THADA: variants seen among roughly 807,000 people sequenced by gnomAD.
THADA encodes the protein THADA armadillo repeat containing.
A neutral mutation model predicts 219.8 loss-of-function variants in THADA; 213 were observed. The observed-to-expected ratio is 0.97, with a 90% CI of 0.87 to 1.09. The LOEUF (loss-of-function observed/expected upper bound fraction) is 1.09, where lower values mean the gene tolerates loss of function less well. Among genes scored for constraint, THADA ranks in the 50% least tolerant of loss-of-function variants. The pLI is 0.00. For synonymous variants in THADA, 1,018 were observed against 828.9 expected (o/e 1.23, Z -3.92); for missense variants, 2,956 against 2,311.3 (o/e 1.28, Z -5.72).
chr2:43,320,023 G>T (rs1356779148), intron 31 of THADA, among the ~76,000 whole-genome samples: 1 of 152,176 alleles, frequency 6.6e-6, no homozygotes, highest in East Asian at 1.9e-4. Context: ...ACTCATAAGT[G>T]CATTGGTGTA....
intron 21 of THADA, among the ~76,000 whole-genome samples, chr2:43,533,729 A>G (rs28433468): frequency 0.12 from 18,849 of 152,128 alleles, 1,419 homozygotes; most frequent in African/African-American, 0.21. Context: ...ATCACACATC[A>G]GGGCCTGTCG....
intron 22 of THADA, among the ~76,000 whole-genome samples, chr2:43,519,482 A>G (rs1487126285): frequency 6.6e-6 from 1 of 152,332 alleles, no homozygotes; most frequent in African/African-American, 2.4e-5. Flanking sequence ...TCTAAAATAC[A>G]TAAGTAGTTC....
At chr2:43,297,510 C>A (rs1446923806) in intron 31 of THADA, among the ~76,000 whole-genome samples, 10 of 104,462 alleles carry the variant, frequency 9.6e-5, no homozygotes, top group African/African-American at 2.4e-4. Flanking sequence ...GGCGGTCAGC[C>A]CCCCCGCCCG....
At chr2:43,231,973 T>C (rs1295562724) in intron 37 of THADA, among the ~76,000 whole-genome samples, 1 of 152,088 alleles carries the variant, frequency 6.6e-6, no homozygotes, top group Non-Finnish European at 1.5e-5. Context: ...GTCCTCAGTT[T>C]CCCTATCTGT....
chr2:43,372,996 T>C (rs755767499), intron 29 of THADA, among the ~76,000 whole-genome samples: 2 of 152,122 alleles, frequency 1.3e-5, no homozygotes, highest in Non-Finnish European at 1.5e-5. Flanking sequence ...CAGCCAAGTC[T>C]AGTAAGTATT....
intron 34 of THADA, among the ~76,000 whole-genome samples, chr2:43,290,243 A>G (rs1411587337): frequency 6.6e-6 from 1 of 150,940 alleles, no homozygotes; most frequent in East Asian, 1.9e-4. Flanking sequence ...AAGTGCTGGG[A>G]TTACAGGTGT....
At chr2:43,277,226 C>G (rs1171159700) in intron 36 of THADA, 1 of 152,486 alleles carries the variant, frequency 6.6e-6, no homozygotes, top group Non-Finnish European at 1.5e-5. Context: ...CTTCCCATTA[C>G]CTGCAGAAGG....
chr2:43,357,961 T>C (rs1184045727), intron 29 of THADA, among the ~76,000 whole-genome samples: 1 of 152,122 alleles, frequency 6.6e-6, no homozygotes, highest in Non-Finnish European at 1.5e-5. Flanking sequence ...GCATAGTCAG[T>C]GTACCTTTCA....
chr2:43,384,300 G>A (rs1422232805), intron 29 of THADA, among the ~76,000 whole-genome samples: 1 of 152,188 alleles, frequency 6.6e-6, no homozygotes, highest in Non-Finnish European at 1.5e-5. Context: ...TAATGAGGCT[G>A]TTGAGCTCTT....
Position 43,505,654 on chromosome 2 carries a change from G to A in THADA, c.3589C>T (p.Pro1197Ser). The A allele has an allele frequency of 1.3e-6, 2 of 1,597,020 alleles. No individual in the cohort carries two copies. The highest frequency in any genetic ancestry group is 1.1e-5 in the South Asian group (1 of 88,038). The change falls in exon 24 of 38, where the codon CCT (proline) becomes TCT (serine). Residue 1197 changes from proline (P) to serine (S), a missense_variant. Coordinates refer to ENST00000405975, the MANE Select transcript of THADA (RefSeq NM_022065.5). ...TMKELISLAG[P>S]TDDIQSTVPQ... ...ACTGTACTCTGTATGTCATCTGTAG[G>A]CCCAGCCAAAGAGATTAACTCTTTC...
intron 19 of THADA, 63 bp downstream of exon 19, chr2:43,551,726 A>T: frequency 2.1e-6 from 3 of 1,439,326 alleles, no homozygotes; most frequent in Non-Finnish European, 2.8e-6. Flanking sequence ...GGGAAAAAAA[A>T]AAAGAGGTAA....
rs563970271 is a variant in THADA at position 43,578,535 on chromosome 2, G to A, written c.794C>T (p.Pro265Leu). Residue 265 changes from proline (P) to leucine (L), a missense_variant, in exon 9 of 38, where the codon CCG becomes CTG. Physicochemically the swap from Pro to Leu is moderately conservative, Grantham distance 98. Transcript: ENST00000405975. ...IILFIKTMFHPSEKIPHLISS... is the reference protein window; with the variant it reads ...IILFIKTMFHLSEKIPHLISS... ...TACCAAATGAGGAATCTTTTCAGAC[G>A]GGTGAAACATAGTCTTAATAAAAAG... 1.7e-5 allele frequency: 28 copies of A among 1,611,296 alleles called. No individual in the cohort carries two copies. The highest frequency in any genetic ancestry group is 1.7e-4 in the Middle Eastern group (1 of 6,054).
chr2:43,530,317 A>G (rs2103743960), intron 21 of THADA, among the ~76,000 whole-genome samples: 1 of 152,322 alleles, frequency 6.6e-6, no homozygotes, highest in East Asian at 1.9e-4. Context: ...TTTGTCTTCA[A>G]TGTGGTAATT....
intron 26 of THADA, among the ~76,000 whole-genome samples, chr2:43,473,068 C>T (rs1030871846): frequency 5.9e-5 from 9 of 152,056 alleles, no homozygotes; most frequent in Non-Finnish European, 1.0e-4. Flanking sequence ...AACACTGTAT[C>T]CTAAGGCTAC....
intron 36 of THADA, among the ~76,000 whole-genome samples, chr2:43,256,173 G>A (rs1055743871): frequency 6.6e-5 from 10 of 152,090 alleles, no homozygotes; most frequent in African/African-American, 2.2e-4. Context: ...AAGTGGTAAG[G>A]TCCTCTTAAC....
At chr2:43,263,014 C>T (rs566693115) in intron 36 of THADA, among the ~76,000 whole-genome samples, 1 of 152,334 alleles carries the variant, frequency 6.6e-6, no homozygotes, top group African/African-American at 2.4e-5. Flanking sequence ...GCCAAGTCAG[C>T]AGCAGGGCAT....
intron 26 of THADA, among the ~76,000 whole-genome samples, chr2:43,480,142 C>A (rs539833455): frequency 1.3e-5 from 2 of 152,340 alleles, no homozygotes; most frequent in Non-Finnish European, 2.9e-5. Flanking sequence ...CTAGTTCTGC[C>A]ACTTTCTGGC....
chr2:43,572,737 G>A, intron 12 of THADA, 77 bp downstream of exon 12: 1 of 1,323,296 alleles, frequency 7.6e-7, no homozygotes, highest in Non-Finnish European at 1.0e-6. Flanking sequence ...AGGATACAAT[G>A]TAGGGGCCTC....
In THADA at chr2:43,245,172, C is replaced by CTTCTTTTTTTT. The variant is rs796699945; in HGVS notation, c.5297-12291_5297-12290insAAAAAAAAGAA. On this transcript the variant is annotated intron_variant, in intron 36 of 37. Transcript: ENST00000405975. Reference sequence around the variant, plus strand: ...TACTGGAGCTTCTTTCTTTCTTCTTCTTTTTTTTTTTTTTTTTTGAGACGG... The same window carrying CTTCTTTTTTTT: ...TACTGGAGCTTCTTTCTTTCTTCTTCTTCTTTTTTTTTTTTTTTTTTTTTTTTTTGAGACGG... 5.4e-4 allele frequency among the ~76,000 whole-genome samples: 56 copies of CTTCTTTTTTTT among 103,094 alleles called. 3 individuals carry two copies. The highest frequency in any genetic ancestry group is 2.8e-3 in the African/African-American group (56 of 20,016). 67.6% of individuals were successfully genotyped at this position (103,094 alleles called of 152,430 possible). A position where few individuals can be genotyped will look rare whatever the true frequency, so the allele number is the denominator to read the frequency against.
Sources: allele counts gnomAD v4.1 joint callset (sites outside exome capture counted in the v4.1 genomes callset), GRCh38; gene constraint gnomAD v4.1.1; transcripts MANE v1.5; gene names NCBI Gene and HGNC (gene_info 2026-07-23, HGNC 2026-07-21).